ARID4B: variants seen among roughly 807,000 people sequenced by gnomAD.
ARID4B encodes the protein AT-rich interaction domain 4B, also known as AT-rich interactive domain-containing protein 4B.
A neutral mutation model predicts 147.5 loss-of-function variants in ARID4B; 26 were observed. The observed-to-expected ratio is 0.18, with a 90% CI of 0.13 to 0.24. The LOEUF (loss-of-function observed/expected upper bound fraction) is 0.24. ARID4B is among the 10% of genes least tolerant of loss of function. ARID4B has a pLI of 1.00. For synonymous variants in ARID4B, 512 were observed against 507.9 expected (o/e 1.01, Z -0.11); for missense variants, 1,179 against 1,511.5 (o/e 0.78, Z 3.65).
intron 2 of ARID4B, among the ~76,000 whole-genome samples, chr1:235,261,799 C>T (rs1039971828): frequency 6.6e-6 from 1 of 152,132 alleles, no homozygotes; most frequent in African/African-American, 2.4e-5. Context: ...CTAAGGAGTT[C>T]TTCTGCTTAT....
intron 21 of ARID4B, among the ~76,000 whole-genome samples, chr1:235,176,124 T>TTA (rs1324490747): frequency 1.3e-5 from 2 of 152,128 alleles, no homozygotes; most frequent in Non-Finnish European, 2.9e-5. Flanking sequence ...ATACAAAGTA[T>TTA]TAGTTTAGAT....
At chr1:235,171,788 C>T (rs150049917) in intron 23 of ARID4B, among the ~76,000 whole-genome samples, 1,559 of 151,988 alleles carry the variant, frequency 0.01, 25 homozygotes, top group African/African-American at 0.033. Flanking sequence ...TACAGGCACC[C>T]GCCACCGCGC....
rs1277703352 is a variant in ARID4B at position 235,168,227 on chromosome 1, C to CTTA, written c.*295_*297dup. 1 of 280,918 alleles carries CTTA rather than the reference C, an allele frequency of 3.6e-6. No individual in the cohort carries two copies. The allele number at this position is 280,918 out of a possible 1,614,324, so 17.4% of individuals were successfully genotyped here. A position where few individuals can be genotyped will look rare whatever the true frequency, so the allele number is the denominator to read the frequency against. ...TGTTCTGACCCACCCCTTAACTATG[C>CTTA]TTACTGTATTGTCTCTACAGGCAGT... On this transcript the variant is annotated 3_prime_UTR_variant, in exon 24 of 24. Transcript: ENST00000264183.
At chr1:235,173,770 A>AT (rs1663596524) in intron 22 of ARID4B, among the ~76,000 whole-genome samples, 2 of 37,482 alleles carry the variant, frequency 5.3e-5, no homozygotes, top group Non-Finnish European at 8.6e-5. Flanking sequence ...AAAAAAAAAA[A>AT]AATATATATA....
chr1:235,255,224 TAG>T (rs1491573596), intron 5 of ARID4B, among the ~76,000 whole-genome samples: 4,081 of 100,924 alleles, frequency 0.04, 106 homozygotes, highest in Middle Eastern at 0.065. Context: ...GGGAGCTAGA[TAG>T]ATAGATAGAT....
chr1:235,186,414 T>TA (rs35087471), intron 19 of ARID4B, among the ~76,000 whole-genome samples: 5,968 of 150,776 alleles, frequency 0.04, 442 homozygotes, highest in African/African-American at 0.14. Context: ...TTTGCTTATT[T>TA]TTTTTTTTTT....
chr1:235,240,246 A>T, intron 8 of ARID4B, 67 bp downstream of exon 8: 1 of 1,398,808 alleles, frequency 7.1e-7, no homozygotes, highest in South Asian at 1.4e-5. Context: ...AACATTAGTA[A>T]GAAAATTGTT....
chr1:235,227,371 G>A (rs1667896084), intron 11 of ARID4B, among the ~76,000 whole-genome samples: 1 of 152,132 alleles, frequency 6.6e-6, no homozygotes, highest in African/African-American at 2.4e-5. Flanking sequence ...AATTTAAATA[G>A]AAAGCAGTCA....
intron 11 of ARID4B, among the ~76,000 whole-genome samples, chr1:235,225,321 A>T (rs1308543676): frequency 6.6e-6 from 1 of 152,192 alleles, no homozygotes; most frequent in African/African-American, 2.4e-5. Context: ...GATCTACAAT[A>T]CCTGAAGATT....
chr1:235,322,008 G>A (rs767535231), intron 2 of ARID4B, among the ~76,000 whole-genome samples: 7 of 151,526 alleles, frequency 4.6e-5, no homozygotes, highest in Non-Finnish European at 7.4e-5. Flanking sequence ...ACTTTCAATG[G>A]TTCCATGTAG....
chr1:235,229,331 T>C lies in ARID4B; in HGVS notation c.797A>G (p.Lys266Arg). The change falls in exon 11 of 24, where the codon AAG becomes AGG. Residue 266 changes from lysine (K) to arginine (R), a missense_variant. Around this residue, in one of 10 missense-constraint regions of ARID4B, gnomAD observed 159 missense variants for 190.5 expected, o/e 0.83. Coordinates refer to ENST00000264183, the MANE Select transcript of ARID4B (RefSeq NM_016374.6). The stretch of plus-strand genomic sequence containing the variant: ...AGAGCTATCTTCTTTCAATTCAGTC[T>C]TCCAGTTAGCAGGAATAGTTCTACT... ...HKSRTIPANW[K>R]TELKEDSSSS... The C allele has an allele frequency of 6.2e-7, 1 of 1,613,806 alleles. No homozygotes were observed. The highest frequency in any genetic ancestry group is 8.5e-7 in the Non-Finnish European group (1 of 1,179,876).
At chr1:235,286,044 G>GGTTTTGTTTT (rs71172286) in intron 2 of ARID4B, among the ~76,000 whole-genome samples, 44,242 of 138,512 alleles carry the variant, frequency 0.32, 7,636 homozygotes, top group South Asian at 0.54. Flanking sequence ...CTGGCTTTTG[G>GGTTTTGTTTT]GTTTTGTTTT....
intron 16 of ARID4B, among the ~76,000 whole-genome samples, chr1:235,217,224 C>A (rs574639652): frequency 1.3e-4 from 20 of 152,018 alleles, no homozygotes; most frequent in African/African-American, 4.6e-4. Context: ...AAGAAAAAAA[C>A]AACATAATTA....
At chr1:235,225,520 A>G (rs1667771587) in intron 11 of ARID4B, among the ~76,000 whole-genome samples, 1 of 152,156 alleles carries the variant, frequency 6.6e-6, no homozygotes, top group Non-Finnish European at 1.5e-5. Context: ...CATCCATTCA[A>G]CAAACACTTG....
chr1:235,312,697 G>A (rs971522906), intron 2 of ARID4B, among the ~76,000 whole-genome samples: 1 of 152,144 alleles, frequency 6.6e-6, no homozygotes, highest in Non-Finnish European at 1.5e-5. Flanking sequence ...AATGGGGCTG[G>A]GCGTGGTGGC....
intron 21 of ARID4B, 30 bp downstream of exon 21, chr1:235,177,770 T>C (rs1663994832): frequency 1.4e-6 from 2 of 1,436,970 alleles, no homozygotes; most frequent in Non-Finnish European, 9.7e-7. Context: ...ATTATTTTTA[T>C]ATTTTAAAAA....
intron 2 of ARID4B, among the ~76,000 whole-genome samples, chr1:235,298,636 A>G (rs1221328235): frequency 2.6e-5 from 4 of 151,136 alleles, no homozygotes; most frequent in Non-Finnish European, 5.9e-5. Context: ...TCTGCATTAT[A>G]AAGTCACTGT....
chr1:235,229,120 T>TCATAATCTTGTATTTGAGATC, intron 11 of ARID4B, 111 bp downstream of exon 11: 1 of 1,233,074 alleles, frequency 8.1e-7, no homozygotes. Context: ...ATGAAATATT[T>TCATAATCTTGTATTTGAGATC]CTCATACTAA....
chr1:235,280,942 T>C (rs1041424050), intron 2 of ARID4B, among the ~76,000 whole-genome samples: 1 of 151,834 alleles, frequency 6.6e-6, no homozygotes, highest in Non-Finnish European at 1.5e-5. Flanking sequence ...TTAAATCATA[T>C]GTATAAAAAC....
Sources: gnomAD v4.1 joint callset for allele counts (sites outside exome capture counted in the v4.1 genomes callset) on GRCh38, gnomAD v4.1.1 for gene constraint, gnomAD v4.1.1 regional missense constraint, MANE v1.5 for transcripts, NCBI Gene and HGNC (gene_info 2026-07-23, HGNC 2026-07-21) for gene names.